The following IL1R1 variants were observed in gnomAD, a reference collection of about 807,000 sequenced individuals.
IL1R1 encodes the protein interleukin-1 receptor type 1.
In IL1R1, 22 loss-of-function variants were observed where a neutral mutation model predicts 50.2. The ratio of observed to expected loss-of-function variants is 0.44; its 90% confidence interval spans 0.31 to 0.63. IL1R1 has a LOEUF of 0.63. Among genes scored for constraint, IL1R1 ranks in the 20% least tolerant of loss-of-function variants. IL1R1 has a pLI of 0.07. For missense variants in IL1R1, 509 were observed against 676.2 expected (o/e 0.75, Z 2.74); for synonymous variants, 251 against 236.7 (o/e 1.06, Z -0.55).
chr2:102,097,018 G>T (rs2104327204), intron 1 of IL1R1, among the ~76,000 whole-genome samples: 1 of 152,028 alleles, frequency 6.6e-6, no homozygotes, highest in African/African-American at 2.4e-5. Context: ...ATAAGTATTT[G>T]TCAGGATAGG....
chr2:102,099,600 T>C (rs1483065847), upstream of IL1R1, among the ~76,000 whole-genome samples: 1 of 152,120 alleles, frequency 6.6e-6, no homozygotes, highest in East Asian at 1.9e-4. Context: ...CAGCCTTTGT[T>C]ATTGTTTTCT....
At position 102,176,383 on chromosome 2, in the gene IL1R1, A is replaced by G. The variant is rs1224836186; in HGVS notation, c.1334A>G (p.Lys445Arg). 1.9e-6 allele frequency: 3 copies of G among 1,613,966 alleles called. No individual in the cohort carries two copies. In the African/African-American group the frequency reaches 4.0e-5, roughly 22 times the overall value. ...DIVEVINENV[K>R]KSRRLIIILV... ...GTTGAGGTCATTAATGAAAACGTAA[A>G]GAAAAGCAGAAGACTGATTATCATT... Residue 445 changes from lysine to arginine, a missense_variant, in exon 12 of 12, where the codon AAG (lysine) becomes AGG (arginine). Coordinates refer to ENST00000410023, the MANE Select transcript of IL1R1 (RefSeq NM_000877.4).
intron 1 of IL1R1, among the ~76,000 whole-genome samples, chr2:102,093,386 A>G (rs1679764896): frequency 6.6e-6 from 1 of 152,216 alleles, no homozygotes; most frequent in African/African-American, 2.4e-5. Context: ...ATTAGATAAC[A>G]GGTATATGTT....
At chr2:102,112,685 A>C (rs1680838918) in intron 1 of IL1R1, among the ~76,000 whole-genome samples, 1 of 152,194 alleles carries the variant, frequency 6.6e-6, no homozygotes, top group Non-Finnish European at 1.5e-5. Context: ...GTAGTCATAA[A>C]ACTTGAAATG....
intron 1 of IL1R1, among the ~76,000 whole-genome samples, chr2:102,134,028 C>G (rs550211076): frequency 9.9e-5 from 15 of 152,082 alleles, no homozygotes; most frequent in Non-Finnish European, 1.9e-4. Context: ...TCTACTAGAA[C>G]TAATAAATGA....
At chr2:102,165,785 C>T (rs867056732) in intron 5 of IL1R1, among the ~76,000 whole-genome samples, 2 of 152,102 alleles carry the variant, frequency 1.3e-5, no homozygotes, top group Non-Finnish European at 2.9e-5. Context: ...GAGCTTAAGA[C>T]GTACTAAATA....
At chr2:102,158,795 G>A (rs1684437998) in intron 3 of IL1R1, among the ~76,000 whole-genome samples, 2 of 152,144 alleles carry the variant, frequency 1.3e-5, no homozygotes, top group South Asian at 4.1e-4. Context: ...TCTGACTTAC[G>A]TTTTGATTCC....
chr2:102,138,654 G>C (rs1457591553), upstream of IL1R1, among the ~76,000 whole-genome samples: 1 of 152,150 alleles, frequency 6.6e-6, no homozygotes, highest in East Asian at 1.9e-4. Context: ...GAAAAAGTAA[G>C]GCGAAATGTA....
upstream of IL1R1, among the ~76,000 whole-genome samples, chr2:102,137,802 A>G (rs1268474458): frequency 6.6e-6 from 1 of 152,232 alleles, no homozygotes; most frequent in Non-Finnish European, 1.5e-5. Context: ...TTAGTTTACC[A>G]CATTGATCTT....
chr2:102,161,706 C>T (rs1163527208), intron 3 of IL1R1, among the ~76,000 whole-genome samples: 1 of 151,644 alleles, frequency 6.6e-6, no homozygotes, highest in African/African-American at 2.4e-5. Flanking sequence ...TTTATTTATT[C>T]ATTCATTTTT....
intron 7 of IL1R1, 132 bp from the exon 8 acceptor site, chr2:102,171,669 G>A: frequency 2.4e-6 from 1 of 420,768 alleles, no homozygotes; most frequent in Non-Finnish European, 4.2e-6. Context: ...TCTCTGGGTG[G>A]TGGGTTTAGG....
At chr2:102,120,292 G>T (rs565474628) in intron 1 of IL1R1, among the ~76,000 whole-genome samples, 35 of 152,162 alleles carry the variant, frequency 2.3e-4, no homozygotes, top group Admixed American at 2.0e-3. Flanking sequence ...ATCATATGTT[G>T]TATATGGGTG....
chr2:102,124,714 T>C (rs1681599670), intron 1 of IL1R1, among the ~76,000 whole-genome samples: 1 of 151,998 alleles, frequency 6.6e-6, no homozygotes, highest in Non-Finnish European at 1.5e-5. Flanking sequence ...GGTCAGGAGT[T>C]TGGGACCAGC....
chr2:102,090,202 TCAC>T, intron 1 of IL1R1, among the ~76,000 whole-genome samples: 1 of 150,594 alleles, frequency 6.6e-6, no homozygotes, highest in African/African-American at 2.4e-5. Context: ...CCCCTCCTCA[TCAC>T]CACCACCACC....
chr2:102,157,744 T>G lies in IL1R1; in HGVS notation c.20T>G (p.Leu7Arg), dbSNP rs1376344625. Residue 7 changes from leucine (L) to arginine (R), a missense_variant, in exon 3 of 12, where the codon CTT (leucine) becomes CGT (arginine). Physicochemically the swap from Leu to Arg is moderately radical, Grantham distance 102. Coordinates refer to ENST00000410023, the MANE Select transcript of IL1R1 (RefSeq NM_000877.4). MKVLLR[L>R]ICFIALLISS... is the part of the protein sequence containing the mutation. ...AAGAATATGAAAGTGTTACTCAGAC[T>G]TATTTGTTTCATAGCTCTACTGATT... 2 of 1,606,764 alleles carry G rather than the reference T, an allele frequency of 1.2e-6. No homozygotes were observed. Among genetic ancestry groups the G allele is most frequent in the African/African-American group, 1.3e-5 (1 of 74,798 alleles).
intron 1 of IL1R1, among the ~76,000 whole-genome samples, chr2:102,074,990 T>C (rs1394996103): frequency 6.6e-6 from 1 of 152,186 alleles, no homozygotes; most frequent in East Asian, 1.9e-4. Flanking sequence ...TCTATATGTA[T>C]ATATATGTGT....
In IL1R1 at chr2:102,175,598, G is replaced by A; in HGVS notation, c.1256G>A (p.Cys419Tyr). 6.2e-7 allele frequency: 1 copy of A among 1,614,060 alleles called. No individual in the cohort carries two copies. Among genetic ancestry groups the A allele is most frequent in the African/African-American group, 1.3e-5 (1 of 75,028 alleles). ...TTGCCTGAGGTCTTGGAAAAACAGT[G>A]TGGATATAAGCTGTTCATTTATGGA... ...KVLPEVLEKQ[C>Y]GYKLFIYGRD... Residue 419 changes from cysteine (C) to tyrosine (Y), a missense_variant, in exon 11 of 12, where the codon TGT becomes TAT. Physicochemically the swap from Cys to Tyr is radical, Grantham distance 194. Coordinates refer to ENST00000410023, the MANE Select transcript of IL1R1 (RefSeq NM_000877.4).
intron 1 of IL1R1, among the ~76,000 whole-genome samples, chr2:102,077,017 T>G (rs753384935): frequency 9.9e-5 from 15 of 152,202 alleles, no homozygotes; most frequent in Non-Finnish European, 1.8e-4. Flanking sequence ...TAATTTTGGG[T>G]AGTTTCTATT....
intron 7 of IL1R1, among the ~76,000 whole-genome samples, chr2:102,168,998 G>T (rs1331498862): frequency 1.3e-5 from 2 of 150,864 alleles, no homozygotes; most frequent in Non-Finnish European, 2.9e-5. Context: ...TTTTCACAGA[G>T]TTAAAATATT....
Sources: allele counts gnomAD v4.1 joint callset (sites outside exome capture counted in the v4.1 genomes callset), GRCh38; gene constraint gnomAD v4.1.1; transcripts MANE v1.5; gene names NCBI Gene and HGNC (gene_info 2026-07-23, HGNC 2026-07-21).